The following MEI4 variants were observed in gnomAD, a reference collection of about 807,000 sequenced individuals.
MEI4 encodes the protein meiosis-specific protein MEI4.
In MEI4, 27 loss-of-function variants were observed where a neutral mutation model predicts 31.4. That is an observed-to-expected ratio of 0.86 (90% CI 0.63 to 1.19). MEI4 has a LOEUF of 1.19. MEI4 is among the 50% of genes most tolerant of loss of function. The pLI, the probability that MEI4 is intolerant of heterozygous loss-of-function variation, is 0.00. For missense variants in MEI4, 329 were observed against 398.9 expected (o/e 0.82, Z 1.49); for synonymous variants, 122 against 145.4 (o/e 0.84, Z 1.16).
Position 77,906,541 on chromosome 6 carries a change from T to C in MEI4, c.901-16548T>C, listed in dbSNP as rs139921762. On this transcript the variant is annotated intron_variant, in intron 4 of 4. Coordinates refer to ENST00000684080, the MANE Select transcript of MEI4 (RefSeq NM_001322247.2). Reference sequence around the variant, plus strand: ...TGGGACCTTTAATAACAATCACTACTAGGGTCCTTTCAGTCTTTTATTTTC... The same window carrying C: ...TGGGACCTTTAATAACAATCACTACCAGGGTCCTTTCAGTCTTTTATTTTC... Among the ~76,000 whole-genome samples the C allele has an allele frequency of 5.9e-5, 9 of 152,346 alleles. No individual in the cohort carries two copies. In the East Asian group the frequency reaches 1.5e-3, roughly 26 times the overall value.
At chr6:77,746,387 A>T (rs1324259792) in intron 2 of MEI4, among the ~76,000 whole-genome samples, 1 of 152,146 alleles carries the variant, frequency 6.6e-6, no homozygotes, top group Non-Finnish European at 1.5e-5. Flanking sequence ...CCTGAGTTGA[A>T]ACAAAAAAGT....
At chr6:77,680,113 T>TAAAAAAAAAAAAAAAAA (rs1562203260) in intron 1 of MEI4, among the ~76,000 whole-genome samples, 1 of 10,364 alleles carries the variant, frequency 9.6e-5, no homozygotes, top group Non-Finnish European at 1.7e-4. Context: ...CTACTAAAAA[T>TAAAAAAAAAAAAAAAAA]ACAAAAAAAA....
chr6:77,849,160 A>G (rs1362735655), intron 4 of MEI4, among the ~76,000 whole-genome samples: 2 of 152,190 alleles, frequency 1.3e-5, no homozygotes, highest in African/African-American at 4.8e-5. Flanking sequence ...TTTATATATT[A>G]ACCTAAAAAT....
chr6:77,759,776 G>A (rs967536456), intron 2 of MEI4, among the ~76,000 whole-genome samples: 1 of 152,030 alleles, frequency 6.6e-6, no homozygotes, highest in African/African-American at 2.4e-5. Context: ...GACTAATAGA[G>A]GTGCTTTTCA....
At chr6:77,761,890 C>T (rs1768055183) in intron 3 of MEI4, among the ~76,000 whole-genome samples, 1 of 152,174 alleles carries the variant, frequency 6.6e-6, no homozygotes, top group Admixed American at 6.6e-5. Context: ...CAAACTTGTT[C>T]TGCTCTGCTT....
At chr6:77,678,901 A>AATGT (rs1311366450) in intron 1 of MEI4, among the ~76,000 whole-genome samples, 2 of 152,134 alleles carry the variant, frequency 1.3e-5, no homozygotes, top group African/African-American at 4.8e-5. Context: ...ATGTCTAGCT[A>AATGT]ATGTATGTGA....
chr6:77,770,005 T>C (rs192906003), intron 3 of MEI4, among the ~76,000 whole-genome samples: 1 of 151,812 alleles, frequency 6.6e-6, no homozygotes, highest in East Asian at 2.0e-4. Flanking sequence ...TCTTGCAGCC[T>C]GGTACCAGCT....
intron 4 of MEI4, among the ~76,000 whole-genome samples, chr6:77,849,301 C>G (rs994079958): frequency 6.6e-6 from 1 of 152,048 alleles, no homozygotes; most frequent in Admixed American, 6.6e-5. Context: ...GGTGGCTGGG[C>G]ATTCCCTGAC....
chr6:77,771,856 G>A (rs1582125817), intron 3 of MEI4, among the ~76,000 whole-genome samples: 1 of 151,922 alleles, frequency 6.6e-6, no homozygotes, highest in Admixed American at 6.6e-5. Context: ...GAACCTGGGT[G>A]ATAAAATAAT....
intron 4 of MEI4, among the ~76,000 whole-genome samples, chr6:77,907,035 A>ATT (rs70974692): frequency 0.017 from 2,493 of 149,070 alleles, 56 homozygotes; most frequent in East Asian, 0.089. Flanking sequence ...GATCTTGGCT[A>ATT]TTTTTTTTTT....
intron 2 of MEI4, among the ~76,000 whole-genome samples, chr6:77,735,939 G>T (rs979409666): frequency 6.7e-6 from 1 of 149,352 alleles, no homozygotes; most frequent in African/African-American, 2.4e-5. Flanking sequence ...TCCCAGTTAG[G>T]CTGCTCGGGG....
Position 77,669,600 on chromosome 6 carries a change from G to A in MEI4, c.-15+16508G>A, listed in dbSNP as rs185550772. Among the ~76,000 whole-genome samples, 608 of 147,528 alleles carry A rather than the reference G, an allele frequency of 4.1e-3. 1 individual carries two copies. Among genetic ancestry groups the A allele is most frequent in the Non-Finnish European group, 7.3e-3 (480 of 65,866 alleles). On this transcript the variant is annotated intron_variant, in intron 1 of 4. Transcript: ENST00000684080. ...CTAGTCTTAACTGCTGAGTAAAAGAGTAAAAGCAGAGAGAGGGAAACAAAT... is the reference window on the plus strand; with the variant it reads ...CTAGTCTTAACTGCTGAGTAAAAGAATAAAAGCAGAGAGAGGGAAACAAAT...
chr6:77,821,589 A>T (rs1343945142), intron 3 of MEI4, among the ~76,000 whole-genome samples: 2 of 152,068 alleles, frequency 1.3e-5, no homozygotes, highest in Non-Finnish European at 2.9e-5. Flanking sequence ...TGAGGTCAGG[A>T]GTTCAAGACC....
At chr6:77,912,562 A>G (rs146874048) in intron 4 of MEI4, among the ~76,000 whole-genome samples, 1 of 151,858 alleles carries the variant, frequency 6.6e-6, no homozygotes, top group Non-Finnish European at 1.5e-5. Flanking sequence ...TTTGGGGGGT[A>G]ATTTTTGTAG....
At chr6:77,917,484 C>G (rs991684478) in intron 4 of MEI4, among the ~76,000 whole-genome samples, 24 of 150,026 alleles carry the variant, frequency 1.6e-4, no homozygotes, top group African/African-American at 5.4e-4. Context: ...GAGATGGTAT[C>G]TCATTGTGGT....
At chr6:77,799,847 C>T (rs6941903) in intron 3 of MEI4, among the ~76,000 whole-genome samples, 23,936 of 151,790 alleles carry the variant, frequency 0.16, 2,267 homozygotes, top group East Asian at 0.39. Flanking sequence ...TGGTTCCATT[C>T]GTCTATATCT....
intron 3 of MEI4, among the ~76,000 whole-genome samples, chr6:77,793,129 G>C (rs1768983763): frequency 6.6e-6 from 1 of 152,034 alleles, no homozygotes; most frequent in Non-Finnish European, 1.5e-5. Flanking sequence ...TGCTATTAAA[G>C]AGAGACTCTT....
intron 3 of MEI4, among the ~76,000 whole-genome samples, chr6:77,789,560 A>T (rs966477101): frequency 6.6e-5 from 10 of 152,210 alleles, no homozygotes; most frequent in African/African-American, 2.4e-4. Flanking sequence ...ATTTACAAGG[A>T]AAAAACAAAC....
intron 3 of MEI4, among the ~76,000 whole-genome samples, chr6:77,780,421 G>T (rs2127690440): frequency 6.6e-6 from 1 of 152,186 alleles, no homozygotes; most frequent in Non-Finnish European, 1.5e-5. Flanking sequence ...TGTCCGCAGG[G>T]CCAGCTAGTC....
Sources: allele counts gnomAD v4.1 joint callset (sites outside exome capture counted in the v4.1 genomes callset), GRCh38; gene constraint gnomAD v4.1.1; transcripts MANE v1.5; gene names NCBI Gene and HGNC (gene_info 2026-07-23, HGNC 2026-07-21).